Variants in GRM7 observed in about 807,000 individuals in gnomAD.
GRM7 encodes metabotropic glutamate receptor 7.
GRM7 carries 35 observed loss-of-function variants against 84.5 expected under a neutral mutation model. The observed-to-expected ratio is 0.41, with a 90% CI of 0.32 to 0.55. The LOEUF (loss-of-function observed/expected upper bound fraction) is 0.55. Among genes scored for constraint, GRM7 ranks in the 20% least tolerant of loss-of-function variants. GRM7 has a pLI of 0.19. For missense variants in GRM7, 1,003 were observed against 1,194.6 expected, an observed-to-expected ratio of 0.84 and a Z score of 2.36; for synonymous variants, 487 against 455.1, an observed-to-expected ratio of 1.07 and a Z score of -0.89.
intron 2 of GRM7, among the ~76,000 whole-genome samples, chr3:7,171,776 G>A (rs1320603376): frequency 6.6e-6 from 1 of 152,166 alleles, no homozygotes; most frequent in Non-Finnish European, 1.5e-5. Context: ...TTTAGAAAAT[G>A]AGAACACCAC....
At chr3:7,228,391 A>T (rs1016272219) in intron 2 of GRM7, among the ~76,000 whole-genome samples, 1 of 152,238 alleles carries the variant, frequency 6.6e-6, no homozygotes, top group East Asian at 1.9e-4. Context: ...AGAATAAAGG[A>T]TTGGAAACAA....
At chr3:7,261,493 A>G (rs1255716313) in intron 2 of GRM7, among the ~76,000 whole-genome samples, 2 of 152,112 alleles carry the variant, frequency 1.3e-5, no homozygotes, top group Admixed American at 1.3e-4. Flanking sequence ...GTGTCATTGC[A>G]TGTGAGATGG....
intron 1 of GRM7, among the ~76,000 whole-genome samples, chr3:7,039,223 C>T (rs1376869765): frequency 6.6e-6 from 1 of 152,134 alleles, no homozygotes; most frequent in Non-Finnish European, 1.5e-5. Context: ...TGGTTCCTTT[C>T]AAGAAAGTAT....
chr3:7,331,504 A>G (rs1701207271), intron 4 of GRM7, among the ~76,000 whole-genome samples: 1 of 152,222 alleles, frequency 6.6e-6, no homozygotes, highest in South Asian at 2.1e-4. Context: ...TAAGACACAA[A>G]TATTCCACTC....
intron 2 of GRM7, among the ~76,000 whole-genome samples, chr3:7,210,356 A>C (rs952242228): frequency 7.9e-5 from 12 of 152,242 alleles, no homozygotes; most frequent in African/African-American, 2.9e-4. Flanking sequence ...ATAAAGCCTT[A>C]GTCTTCCATT....
At chr3:7,648,564 G>A (rs749556844) in intron 8 of GRM7, among the ~76,000 whole-genome samples, 70 of 151,808 alleles carry the variant, frequency 4.6e-4, no homozygotes, top group Non-Finnish European at 7.4e-4. Context: ...CAGGAGAATC[G>A]CTTGAACCTA....
At chr3:6,946,794 A>G (rs1158315345) in intron 1 of GRM7, among the ~76,000 whole-genome samples, 1 of 152,054 alleles carries the variant, frequency 6.6e-6, no homozygotes, top group African/African-American at 2.4e-5. Context: ...AATCCTATGT[A>G]TTTTATTCTC....
chr3:7,202,274 A>T (rs1045745943), intron 2 of GRM7, among the ~76,000 whole-genome samples: 8 of 152,130 alleles, frequency 5.3e-5, no homozygotes, highest in Non-Finnish European at 1.0e-4. Flanking sequence ...GTTTATTGCC[A>T]TTCCTCAATT....
intron 1 of GRM7, among the ~76,000 whole-genome samples, chr3:6,963,681 A>T (rs1693390733): frequency 6.6e-6 from 1 of 152,212 alleles, no homozygotes; most frequent in Non-Finnish European, 1.5e-5. Context: ...TAGCATTTTT[A>T]AAATCATGGT....
intron 7 of GRM7, among the ~76,000 whole-genome samples, chr3:7,575,836 T>G (rs1418288780): frequency 6.6e-6 from 1 of 152,136 alleles, no homozygotes. Flanking sequence ...TTACAGCTCC[T>G]GTATATATTT....
chr3:7,280,666 G>C (rs1699222953), intron 2 of GRM7, among the ~76,000 whole-genome samples: 1 of 152,206 alleles, frequency 6.6e-6, no homozygotes, highest in South Asian at 2.1e-4. Flanking sequence ...GCTCAGAAAA[G>C]TGTTTGCAGT....
chr3:7,015,980 A>AT (rs1695550086), intron 1 of GRM7, among the ~76,000 whole-genome samples: 1 of 152,210 alleles, frequency 6.6e-6, no homozygotes, highest in African/African-American at 2.4e-5. Flanking sequence ...GTTCTAAAGG[A>AT]TTTTTTGATA....
chr3:7,243,541 T>A (rs1697642497), intron 2 of GRM7, among the ~76,000 whole-genome samples: 1 of 152,158 alleles, frequency 6.6e-6, no homozygotes, highest in Non-Finnish European at 1.5e-5. Context: ...AAAACTCTTC[T>A]GACATCTCAT....
chr3:7,323,955 T>C (rs561087493), intron 4 of GRM7, among the ~76,000 whole-genome samples: 1 of 152,278 alleles, frequency 6.6e-6, no homozygotes, highest in African/African-American at 2.4e-5. Context: ...AGTAAGATCA[T>C]GGATATGATG....
chr3:6,869,749 T>A (rs1238504085), intron 1 of GRM7, among the ~76,000 whole-genome samples: 1 of 152,158 alleles, frequency 6.6e-6, no homozygotes, highest in Non-Finnish European at 1.5e-5. Flanking sequence ...TGGAACTGAT[T>A]AAAGGAAATA....
At chr3:7,201,055 T>C (rs918603701) in intron 2 of GRM7, among the ~76,000 whole-genome samples, 14 of 146,346 alleles carry the variant, frequency 9.6e-5, no homozygotes, top group Non-Finnish European at 1.9e-4. Context: ...CTGCAAACTC[T>C]GCCTCCTGGG....
In GRM7 at chr3:7,280,998, GA is replaced by G. The variant is rs1456042935; in HGVS notation, c.737-17678del. 2.6e-5 allele frequency among the ~76,000 whole-genome samples: 4 copies of G among 151,722 alleles called. No homozygotes were observed. The East Asian group carries it at 5.8e-4, about 22-fold the overall frequency. ...ATGGACACTAAATTTACTCTGAAAA[GA>G]AAAAAAATAAAAAGTGTCTGTTCTT... On this transcript the variant is annotated intron_variant, in intron 2 of 9. Coordinates refer to ENST00000357716, the MANE Select transcript of GRM7 (RefSeq NM_000844.4).
chr3:7,060,898 A>G (rs1388679702), intron 1 of GRM7, among the ~76,000 whole-genome samples: 2 of 151,672 alleles, frequency 1.3e-5, no homozygotes, highest in African/African-American at 2.4e-5. Context: ...CAATTTTCCT[A>G]CCTCACATGA....
intron 8 of GRM7, among the ~76,000 whole-genome samples, chr3:7,623,318 A>G (rs1441052345): frequency 6.6e-6 from 1 of 152,178 alleles, no homozygotes; most frequent in African/African-American, 2.4e-5. Flanking sequence ...TGGTCCTCAT[A>G]AGTAGTTTCT....
Sources: allele counts gnomAD v4.1 joint callset (sites outside exome capture counted in the v4.1 genomes callset), GRCh38; gene constraint gnomAD v4.1.1; transcripts MANE v1.5; gene names NCBI Gene and HGNC (gene_info 2026-07-23, HGNC 2026-07-21).